Variants in ATP2B2 observed in about 807,000 individuals in gnomAD.
ATP2B2 encodes ATPase plasma membrane Ca2+ transporting 2.
In ATP2B2, 15 loss-of-function variants were observed where a neutral mutation model predicts 120.0. That is an observed-to-expected ratio of 0.12 (90% CI 0.08 to 0.19). The LOEUF is 0.19. ATP2B2 is among the 10% of genes least tolerant of loss of function. The pLI, the probability that ATP2B2 is intolerant of heterozygous loss-of-function variation, is 1.00. For synonymous variants in ATP2B2, 694 were observed against 700.3 expected (o/e 0.99, Z 0.14); for missense variants, 1,045 against 1,719.8 (o/e 0.61, Z 6.94).
intron 1 of ATP2B2, among the ~76,000 whole-genome samples, chr3:10,450,660 C>A (rs2064006944): frequency 6.7e-6 from 1 of 150,340 alleles, no homozygotes; most frequent in South Asian, 2.1e-4. Flanking sequence ...GTCCATGGAG[C>A]CCTCACCTGG....
intron 2 of ATP2B2, among the ~76,000 whole-genome samples, chr3:10,585,586 G>A (rs1002569872): frequency 6.7e-6 from 1 of 149,258 alleles, no homozygotes; most frequent in Non-Finnish European, 1.5e-5. Context: ...CTTCTCCTGT[G>A]CCTCACCTTC....
intron 2 of ATP2B2, among the ~76,000 whole-genome samples, chr3:10,596,031 C>A (rs2068756285): frequency 6.6e-6 from 1 of 152,146 alleles, no homozygotes; most frequent in South Asian, 2.1e-4. Context: ...TCTTTGTAAG[C>A]TGCCCGCTTG....
intron 3 of ATP2B2, among the ~76,000 whole-genome samples, chr3:10,524,470 G>A (rs1413240800): frequency 6.6e-6 from 1 of 152,146 alleles, no homozygotes; most frequent in Non-Finnish European, 1.5e-5. Context: ...GGTAAGTGAC[G>A]GCATTGAGAT....
intron 2 of ATP2B2, among the ~76,000 whole-genome samples, chr3:10,614,786 C>T (rs2069338918): frequency 6.6e-6 from 1 of 152,146 alleles, no homozygotes; most frequent in African/African-American, 2.4e-5. Context: ...ACATCTACCA[C>T]AGCACGGAGT....
intron 11 of ATP2B2, among the ~76,000 whole-genome samples, chr3:10,374,281 CTTG>C (rs1212327231): frequency 6.6e-6 from 1 of 152,084 alleles, no homozygotes; most frequent in African/African-American, 2.4e-5. Context: ...AAAGTAGCCT[CTTG>C]TTGTGGCCTG....
At chr3:10,669,130 T>A (rs1252168269) in intron 1 of ATP2B2, among the ~76,000 whole-genome samples, 5 of 152,164 alleles carry the variant, frequency 3.3e-5, no homozygotes. Flanking sequence ...GAAGCCACAG[T>A]CCTTGAGAAA....
chr3:10,662,424 G>A (rs1192883202), intron 1 of ATP2B2, among the ~76,000 whole-genome samples: 1 of 139,340 alleles, frequency 7.2e-6, no homozygotes, highest in Non-Finnish European at 1.5e-5. Context: ...ATCAAAAAGT[G>A]GGCGAAGGAC....
intron 3 of ATP2B2, among the ~76,000 whole-genome samples, chr3:10,524,365 G>A (rs1694753380): frequency 1.3e-5 from 2 of 152,198 alleles, no homozygotes; most frequent in Non-Finnish European, 1.5e-5. Context: ...TCATAGCCAC[G>A]TCCTGAGGCG....
chr3:10,693,398 C>T (rs748301668), intron 1 of ATP2B2, among the ~76,000 whole-genome samples: 2 of 152,176 alleles, frequency 1.3e-5, no homozygotes, highest in African/African-American at 2.4e-5. Context: ...ATGTGACAGG[C>T]CTGCTCTGGT....
At chr3:10,341,371 C>T (rs947124564) in intron 19 of ATP2B2, among the ~76,000 whole-genome samples, 15 of 152,194 alleles carry the variant, frequency 9.9e-5, no homozygotes, top group East Asian at 3.9e-4. Context: ...AGGACAGTGG[C>T]GTGATCTCAG....
At chr3:10,335,953 G>C (rs28583179) in intron 22 of ATP2B2, among the ~76,000 whole-genome samples, 1 of 152,136 alleles carries the variant, frequency 6.6e-6, no homozygotes, top group African/African-American at 2.4e-5. Context: ...GACTGCCACC[G>C]CATGACTGGC....
In ATP2B2 at chr3:10,684,188, T is replaced by C. The variant is rs1324188266; in HGVS notation, c.-460+23727A>G. On this transcript the variant is annotated intron_variant, in intron 1 of 21. Coordinates refer to the ATP2B2 transcript ENST00000646379. ...TGGTCTAAAGGGATGGCACATGACC[T>C]AAGCAGGGCCAATGCCAGCCCCTTT... Among the ~76,000 whole-genome samples, 3 of 152,164 alleles carry C rather than the reference T, an allele frequency of 2.0e-5. No homozygotes were observed. The South Asian group carries it at 6.2e-4, about 32-fold the overall frequency.
intron 2 of ATP2B2, among the ~76,000 whole-genome samples, chr3:10,599,207 G>C (rs555764066): frequency 1.6e-4 from 25 of 152,284 alleles, no homozygotes; most frequent in African/African-American, 6.0e-4. Flanking sequence ...AGCTACCCAC[G>C]GCCTTCAGAA....
chr3:10,443,262 G>A (rs1184018986), intron 2 of ATP2B2, among the ~76,000 whole-genome samples: 3 of 152,010 alleles, frequency 2.0e-5, no homozygotes, highest in African/African-American at 7.3e-5. Flanking sequence ...CCAGCACACA[G>A]TACAGACCTT....
rs550482085 is a variant in ATP2B2 at position 10,635,117 on chromosome 3, C to T, written c.-459-15156G>A. ...ACTGGCCTCTCTGTGGGAGACAATACGGAGCAGGAGGTACTGTGAGGATAT... is the reference window on the plus strand; with the variant it reads ...ACTGGCCTCTCTGTGGGAGACAATATGGAGCAGGAGGTACTGTGAGGATAT... On this transcript the variant is annotated intron_variant, in intron 1 of 21. Coordinates refer to the ATP2B2 transcript ENST00000646379. This position sits in a 1 kb window ranked among gnomAD's most constrained non-coding sequence, Gnocchi z 4.3. 7.2e-5 allele frequency among the ~76,000 whole-genome samples: 11 copies of T among 151,976 alleles called. No homozygotes were observed. Among genetic ancestry groups the T allele is most frequent in the South Asian group, 6.3e-4 (3 of 4,764 alleles).
intron 10 of ATP2B2, among the ~76,000 whole-genome samples, chr3:10,376,325 C>T (rs2061379397): frequency 6.6e-6 from 1 of 152,126 alleles, no homozygotes; most frequent in South Asian, 2.1e-4. Context: ...GTTACTTTAG[C>T]TAGGGTGGCC....
At chr3:10,624,622 C>G (rs935425497) in intron 1 of ATP2B2, among the ~76,000 whole-genome samples, 14 of 152,174 alleles carry the variant, frequency 9.2e-5, no homozygotes, top group Non-Finnish European at 1.3e-4. Flanking sequence ...AAGGGGGACA[C>G]TAGCTATAAA....
chr3:10,401,316 C>T lies in ATP2B2; in HGVS notation c.656-238G>A, dbSNP rs759692. Among the ~76,000 whole-genome samples, 26,636 of 152,160 alleles carry T rather than the reference C, an allele frequency of 0.18. 2,667 individuals are homozygous for T. The highest frequency in any genetic ancestry group is 0.29 in the Admixed American group (4,362 of 15,282). ...AGGTTGGGGCCCTGCAACCCTCGCT[C>T]AAGTGGGCATGTACTTTACAAAGTG... On this transcript the variant is annotated intron_variant, in intron 4 of 22. Coordinates refer to ENST00000360273, the MANE Select transcript of ATP2B2 (RefSeq NM_001001331.4).
intron 1 of ATP2B2, among the ~76,000 whole-genome samples, chr3:10,668,621 C>T (rs1040348666): frequency 6.6e-6 from 1 of 152,198 alleles, no homozygotes; most frequent in African/African-American, 2.4e-5. Flanking sequence ...CAGTTGTCAC[C>T]TTCCTTGACC....
Sources: allele counts gnomAD v4.1 joint callset (sites outside exome capture counted in the v4.1 genomes callset), GRCh38; gene constraint gnomAD v4.1.1; non-coding constraint Gnocchi (gnomAD v3.1); transcripts MANE v1.5; gene names NCBI Gene and HGNC (gene_info 2026-07-23, HGNC 2026-07-21).